Variants in LMF1 observed in about 807,000 individuals in gnomAD.
The protein encoded by LMF1 is transmembrane protein 112.
LMF1 carries 68 observed loss-of-function variants against 60.6 expected under a neutral mutation model. That is an observed-to-expected ratio of 1.12 (90% CI 0.92 to 1.37). The LOEUF (loss-of-function observed/expected upper bound fraction) is 1.37. Among genes scored for constraint, LMF1 ranks in the 40% most tolerant of loss-of-function variants. The pLI is 0.00. For missense variants in LMF1, 948 were observed against 767.2 expected (o/e 1.24, Z -2.78); for synonymous variants, 418 against 324.7 (o/e 1.29, Z -3.09).
chr16:981,438 G>A (rs866966979), upstream of LMF1: 2 of 302,156 alleles, frequency 6.6e-6, no homozygotes, highest in South Asian at 4.6e-5. Context: ...CGTCAGGACG[G>A]GGGGCGGACT....
rs560775366 is a variant in LMF1, at chr16:888,571, C to T, written c.729+4436G>A. Among the ~76,000 whole-genome samples, 56 of 152,340 alleles carry T rather than the reference C, an allele frequency of 3.7e-4. No homozygotes were observed. The South Asian group carries it at 7.7e-3, about 21-fold the overall frequency. ...CCATCCCTGCTGCTAAAAGCAGCTGCGTGACCCCCACATTCACAACCTGCT... is the reference window on the plus strand; with the variant it reads ...CCATCCCTGCTGCTAAAAGCAGCTGTGTGACCCCCACATTCACAACCTGCT... On this transcript the variant is annotated intron_variant, in intron 5 of 10. Transcript: ENST00000262301.
chr16:926,378 TTG>T (rs953857470), intron 3 of LMF1, among the ~76,000 whole-genome samples: 1 of 152,190 alleles, frequency 6.6e-6, no homozygotes, highest in Non-Finnish European at 1.5e-5. Flanking sequence ...ATGATCTGCA[TTG>T]TGTCATGTGT....
chr16:946,572 AG>A (rs1229409153), intron 2 of LMF1, among the ~76,000 whole-genome samples: 1 of 152,202 alleles, frequency 6.6e-6, no homozygotes, highest in African/African-American at 2.4e-5. Context: ...CTTCCTGCTG[AG>A]GCTATGGCAG....
In LMF1 at chr16:854,585, C is replaced by T. The variant is rs751822327; in HGVS notation, c.1651G>A (p.Glu551Lys). The T allele has an allele frequency of 1.2e-6, 2 of 1,607,810 alleles. No homozygotes were observed. The highest frequency in any genetic ancestry group is 1.3e-5 in the African/African-American group (1 of 74,972). The change falls in exon 11 of 11, where the codon GAG (glutamate) becomes AAG (lysine). Residue 551 changes from glutamate to lysine, a missense_variant. Glu to Lys is a moderately conservative substitution (Grantham distance 56). Coordinates refer to ENST00000262301, the MANE Select transcript of LMF1 (RefSeq NM_022773.4). ...GAYFPPLSLE[E>K]LRPYFRDRGW... ...CGGTCCCTGAAGTAGGGCCTCAGCT[C>T]CTCCAGGCTGAGCGGAGGGAAGTAG... is the stretch of plus-strand genomic sequence containing the variant.
At chr16:942,999 T>G (rs2072144189) in intron 2 of LMF1, among the ~76,000 whole-genome samples, 1 of 152,264 alleles carries the variant, frequency 6.6e-6, no homozygotes, top group African/African-American at 2.4e-5. Flanking sequence ...CAACCTGTTA[T>G]TAAGCCCAGG....
At position 897,207 on chromosome 16, in the gene LMF1, C is replaced by G. The variant is rs910206502; in HGVS notation, c.664-4135G>C. ...GGACACACTTCCCCAAATCTGCCAT[C>G]TGGAAACTCGAAGTGTCTTGACGGT... On this transcript the variant is annotated intron_variant, in intron 4 of 10. Coordinates refer to ENST00000262301, the MANE Select transcript of LMF1 (RefSeq NM_022773.4). This position sits in a 1 kb window ranked among gnomAD's most constrained non-coding sequence, Gnocchi z 4.3. Among the ~76,000 whole-genome samples, 1 of 152,220 alleles carries G rather than the reference C, an allele frequency of 6.6e-6. No individual in the cohort carries two copies. Among genetic ancestry groups the G allele is most frequent in the African/African-American group, 2.4e-5 (1 of 41,450 alleles).
rs890629227 is a variant in LMF1 at position 874,304 on chromosome 16, A to G, written c.898-2963T>C. ...GCAGGGCCTCCGGGCCTCTGTCTTG[A>G]GCGGGCGTGGGGTGCAGCCACCACA... On this transcript the variant is annotated intron_variant, in intron 6 of 10. Transcript: ENST00000262301. This position sits in a 1 kb window ranked among gnomAD's most constrained non-coding sequence, Gnocchi z 4.1. Among the ~76,000 whole-genome samples, 2 of 131,170 alleles carry G rather than the reference A, an allele frequency of 1.5e-5. No homozygotes were observed. Among genetic ancestry groups the G allele is most frequent in the Non-Finnish European group, 1.6e-5 (1 of 62,818 alleles). The allele number at this position is 131,170 out of a possible 152,430, so 86.1% of individuals were successfully genotyped here. A position where few individuals can be genotyped will look rare whatever the true frequency, so the allele number is the denominator to read the frequency against.
At position 970,924 on chromosome 16, in the gene LMF1, C is replaced by A; in HGVS notation, c.57G>T (p.Lys19Asn). The change falls in exon 1 of 11, where the codon AAG becomes AAT. Residue 19 changes from lysine to asparagine, a missense_variant. Physicochemically the swap from Lys to Asn is moderately conservative, Grantham distance 94 (BLOSUM62 0). Coordinates refer to ENST00000262301, the MANE Select transcript of LMF1 (RefSeq NM_022773.4). ...CAGGCTCCGGATCCGAGTACCCAGT[C>A]TTCCGCCTCCTCAGCGACTCCGCGG... ...AAPAESLRRRKTGYSDPEPES... is the reference protein window; with the variant it reads ...AAPAESLRRRNTGYSDPEPES... The A allele has an allele frequency of 1.3e-6, 2 of 1,570,832 alleles. No homozygotes were observed. Among genetic ancestry groups the A allele is most frequent in the Non-Finnish European group, 1.7e-6 (2 of 1,156,332 alleles).
At chr16:954,240 C>G (rs1350853369) in intron 2 of LMF1, 117 bp downstream of exon 2, 2 of 1,095,762 alleles carry the variant, frequency 1.8e-6, no homozygotes, top group Admixed American at 4.0e-5. Flanking sequence ...ACAATACCCT[C>G]CTGAAGGAAT....
intron 5 of LMF1, chr16:883,851 A>G (rs918933459): frequency 1.3e-5 from 2 of 152,234 alleles, no homozygotes; most frequent in African/African-American, 2.4e-5. Context: ...TTTGATTGAC[A>G]AATAATCAAA....
In LMF1 at chr16:976,191, C is replaced by A. The variant is rs777593733; in HGVS notation, c.-135+4954G>T. 6 of 451,770 alleles carry A rather than the reference C, an allele frequency of 1.3e-5. No homozygotes were observed. In the Middle Eastern group the frequency reaches 3.5e-3, roughly 263 times the overall value. 28.0% of individuals were successfully genotyped at this position (451,770 alleles called of 1,614,324 possible). ...CCTCAGCCCCCCAGTGCCTGGGCCA[C>A]GGATGGGCTGGGGGCTGGGGCCCAG... is the stretch of plus-strand genomic sequence containing the variant. On this transcript the variant is annotated intron_variant, in intron 1 of 6. Transcript: ENST00000570014.
chr16:932,063 T>G (rs2071803306), intron 3 of LMF1, among the ~76,000 whole-genome samples: 1 of 152,224 alleles, frequency 6.6e-6, no homozygotes, highest in African/African-American at 2.4e-5. Context: ...CCGTTGCTTT[T>G]GCTTCAGCAA....
intron 4 of LMF1, chr16:900,568 G>C (rs1377538991): frequency 2.0e-5 from 3 of 152,038 alleles, no homozygotes; most frequent in African/African-American, 7.3e-5. Flanking sequence ...GGAGTGCAAT[G>C]GCACGATCTT....
intron 4 of LMF1, among the ~76,000 whole-genome samples, chr16:906,287 T>C (rs1449291877): frequency 6.6e-6 from 1 of 152,174 alleles, no homozygotes; most frequent in African/African-American, 2.4e-5. Context: ...GGTTGAAGGA[T>C]GCAAAGTACT....
In LMF1 at chr16:880,788, G is replaced by A. The variant is rs535798917; in HGVS notation, c.730-1051C>T. 3.1e-3 allele frequency among the ~76,000 whole-genome samples: 471 copies of A among 152,370 alleles called. 5 individuals carry two copies. The highest frequency in any genetic ancestry group is 5.1e-3 in the African/African-American group (211 of 41,588). On this transcript the variant is annotated intron_variant, in intron 5 of 10. Coordinates refer to ENST00000262301, the MANE Select transcript of LMF1 (RefSeq NM_022773.4). Reference sequence around the variant, plus strand: ...CTGTTTTCTGGAAGCCCCCAACAACGGGATCCAGAGTGGCACTGCCAGGGC... The same window carrying A: ...CTGTTTTCTGGAAGCCCCCAACAACAGGATCCAGAGTGGCACTGCCAGGGC...
intron 5 of LMF1, among the ~76,000 whole-genome samples, chr16:892,520 C>A (rs1056307377): frequency 6.6e-6 from 1 of 152,248 alleles, no homozygotes; most frequent in Non-Finnish European, 1.5e-5. Context: ...AGGGACTCAG[C>A]CTTGGTCTGG....
At chr16:871,469 G>C (rs1463028035) in intron 6 of LMF1, 128 bp from the exon 7 acceptor site, 5 of 958,898 alleles carry the variant, frequency 5.2e-6, no homozygotes, top group African/African-American at 1.7e-5. Flanking sequence ...GCTGTCCCTC[G>C]GGCCCAGCAT....
chr16:919,375 G>A (rs1162814857), intron 3 of LMF1, among the ~76,000 whole-genome samples: 1 of 152,034 alleles, frequency 6.6e-6, no homozygotes, highest in South Asian at 2.1e-4. Context: ...TGTGGCCTCT[G>A]CTTCATCTCT....
chr16:864,697 G>A (rs927225503), intron 10 of LMF1, among the ~76,000 whole-genome samples: 7 of 147,930 alleles, frequency 4.7e-5, no homozygotes, highest in Non-Finnish European at 7.4e-5. Context: ...GTCTTGTGTC[G>A]CACAGGCTGG....
Sources: allele counts gnomAD v4.1 joint callset (sites outside exome capture counted in the v4.1 genomes callset), GRCh38; gene constraint gnomAD v4.1.1; non-coding constraint Gnocchi (gnomAD v3.1); transcripts MANE v1.5; gene names NCBI Gene and HGNC (gene_info 2026-07-23, HGNC 2026-07-21).